The following NAB1 variants were observed in gnomAD, a reference collection of about 807,000 sequenced individuals.
The protein encoded by NAB1 is NGFI-A-binding protein 1.
NAB1 carries 25 observed loss-of-function variants against 49.9 expected under a neutral mutation model. That is an observed-to-expected ratio of 0.50 (90% CI 0.37 to 0.70). NAB1 has a LOEUF of 0.70. Ranked by LOEUF, NAB1 falls within the 30% of genes least tolerant of loss-of-function variation. NAB1 has a pLI of 0.00. For missense variants in NAB1, 489 were observed against 575.9 expected (o/e 0.85, Z 1.54); for synonymous variants, 198 against 215.6 (o/e 0.92, Z 0.71).
chr2:190,665,820 T>C (rs772341948), intron 4 of NAB1, among the ~76,000 whole-genome samples: 12 of 152,190 alleles, frequency 7.9e-5, no homozygotes, highest in Non-Finnish European at 1.8e-4. Flanking sequence ...TAATTTTCTT[T>C]GCATTCTCCT....
chr2:190,687,881 A>T (rs1695697868), intron 9 of NAB1, among the ~76,000 whole-genome samples: 1 of 152,222 alleles, frequency 6.6e-6, no homozygotes, highest in African/African-American at 2.4e-5. Context: ...TATGAAATTG[A>T]TGGACTACAT....
In NAB1 at chr2:190,659,812, A is replaced by G; in HGVS notation, c.636A>G (p.Lys212=). 1 of 1,614,236 alleles carries G rather than the reference A, an allele frequency of 6.2e-7. No individual in the cohort carries two copies. Among genetic ancestry groups the G allele is most frequent in the Non-Finnish European group, 8.5e-7 (1 of 1,180,034 alleles). The change falls in exon 4 of 10, where the codon AAA becomes AAG. Residue 212 remains lysine, a synonymous_variant. Transcript: ENST00000337386. The surrounding 1 kb of genome is among the most constrained non-coding windows in gnomAD (Gnocchi z 6.2). ...AGCGGATGGCCCCCACACTGCCAAA[A>G]AGTGACTTGAATGAAGTGAAAGAGC... The part of the protein sequence containing the change: ...CVERMAPTLP[K]SDLNEVKELL...
rs187175472 is a variant in NAB1 at position 190,691,228 on chromosome 2, G to A, written c.*895G>A. 63 of 151,244 alleles carry A rather than the reference G, an allele frequency of 4.2e-4. No homozygotes were observed. Among genetic ancestry groups the A allele is most frequent in the African/African-American group, 1.2e-3 (51 of 41,496 alleles). 9.4% of individuals were successfully genotyped at this position (151,244 alleles called of 1,614,324 possible). On this transcript the variant is annotated 3_prime_UTR_variant, in exon 10 of 10. Coordinates refer to ENST00000337386, the MANE Select transcript of NAB1 (RefSeq NM_005966.4). This position sits in a 1 kb window ranked among gnomAD's most constrained non-coding sequence, Gnocchi z 4.1. ...TAACCCTACATGTTATAAAGATGGC[G>A]ACTGTTAACAAAGGCTGTAACAGAT...
intron 2 of NAB1, among the ~76,000 whole-genome samples, chr2:190,653,371 T>C (rs1693764029): frequency 6.6e-6 from 1 of 152,226 alleles, no homozygotes; most frequent in African/African-American, 2.4e-5. Context: ...TGTAAATGAC[T>C]CATGAGCTCT....
intron 2 of NAB1, among the ~76,000 whole-genome samples, chr2:190,653,258 T>A (rs1693758473): frequency 6.6e-6 from 1 of 152,204 alleles, no homozygotes; most frequent in Non-Finnish European, 1.5e-5. Flanking sequence ...GATTTCCTAT[T>A]TTCATTGTCC....
rs774156645 is a variant in NAB1, at chr2:190,687,310, C to T, written c.1368C>T (p.His456=). 2.5e-6 allele frequency: 4 copies of T among 1,576,758 alleles called. No homozygotes were observed. Among genetic ancestry groups the T allele is most frequent in the Non-Finnish European group, 3.4e-6 (4 of 1,161,414 alleles). Residue 456 remains histidine, a synonymous_variant, in exon 9 of 10, where the codon CAC becomes CAT. Coordinates refer to ENST00000337386, the MANE Select transcript of NAB1 (RefSeq NM_005966.4). ...TTTACCCCAGTGAGGCAAAGTCCCA[C>T]TCATCAGGTGAGAACGTGCTATATG... ...SRLYPSEAKS[H]SSESLGILKD...
chr2:190,687,165 T>G (rs1695647344), intron 8 of NAB1, 36 bp from the exon 9 acceptor site: 2 of 1,351,564 alleles, frequency 1.5e-6, no homozygotes, highest in Non-Finnish European at 1.0e-6. Context: ...TGGTATGTTT[T>G]TAATATTATG....
rs1376682628 is a variant in NAB1 at position 190,669,300 on chromosome 2, C to T, written c.820-1026C>T. Among the ~76,000 whole-genome samples the T allele has an allele frequency of 6.6e-6, 1 of 152,190 alleles. No individual in the cohort carries two copies. Reference sequence around the variant, plus strand: ...AAAACTGTGGGTAAGGGGGTACTGCCGTACCTGATTTCTTATGAAAAGAAA... The same window carrying T: ...AAAACTGTGGGTAAGGGGGTACTGCTGTACCTGATTTCTTATGAAAAGAAA... On this transcript the variant is annotated intron_variant, in intron 4 of 9. Transcript: ENST00000337386. This position sits in a 1 kb window ranked among gnomAD's most constrained non-coding sequence, Gnocchi z 4.3.
In NAB1 at chr2:190,683,785, G is replaced by A. The variant is rs1328348795; in HGVS notation, c.1053G>A (p.Gln351=). The A allele has an allele frequency of 6.2e-7, 1 of 1,613,846 alleles. No individual in the cohort carries two copies. The highest frequency in any genetic ancestry group is 8.5e-7 in the Non-Finnish European group (1 of 1,179,950). Residue 351 remains glutamine, a synonymous_variant, in exon 7 of 10, where the codon CAG becomes CAA. Transcript: ENST00000337386. Reference sequence around the variant, plus strand: ...ATTCTGTGCAAACACTCTTCCAGCAGGCTAGAGCTAAGAGTGAAGAACTTG... The same window carrying A: ...ATTCTGTGCAAACACTCTTCCAGCAAGCTAGAGCTAAGAGTGAAGAACTTG... ...FQDSVQTLFQ[Q]ARAKSEELAA... is the part of the protein sequence containing the mutation.
chr2:190,651,291 T>A lies in NAB1; in HGVS notation c.-197+1309T>A, dbSNP rs1693656106. Among the ~76,000 whole-genome samples, 1 of 152,208 alleles carries A rather than the reference T, an allele frequency of 6.6e-6. No individual in the cohort carries two copies. On this transcript the variant is annotated intron_variant, in intron 2 of 9. Transcript: ENST00000337386. This position sits in a 1 kb window ranked among gnomAD's most constrained non-coding sequence, Gnocchi z 4.3. Reference sequence around the variant, plus strand: ...ATTCAGTTGAGTAATCTCTTTTTTGTAAGTGGCAAATAACATCCACTGTCG... The same window carrying A: ...ATTCAGTTGAGTAATCTCTTTTTTGAAAGTGGCAAATAACATCCACTGTCG...
At chr2:190,650,264 T>G (rs1410620233) in intron 2 of NAB1, among the ~76,000 whole-genome samples, 1 of 152,232 alleles carries the variant, frequency 6.6e-6, no homozygotes, top group Non-Finnish European at 1.5e-5. Flanking sequence ...GGATGGCTGT[T>G]AATTTAAAAT....
At chr2:190,683,213 C>T (rs1027698931) in intron 6 of NAB1, among the ~76,000 whole-genome samples, 2 of 150,766 alleles carry the variant, frequency 1.3e-5, no homozygotes, top group African/African-American at 2.4e-5. Context: ...TGGGTTCAAG[C>T]GATTCTCATG....
intron 9 of NAB1, among the ~76,000 whole-genome samples, chr2:190,690,028 AC>A (rs1333680408): frequency 1.3e-5 from 2 of 150,090 alleles, no homozygotes; most frequent in African/African-American, 4.9e-5. Flanking sequence ...ATATATGTAT[AC>A]TATATGTATA....
Position 190,685,784 on chromosome 2 carries a change from A to G in NAB1, c.1258+146A>G. On this transcript the variant is annotated intron_variant, in intron 8 of 9. Coordinates refer to ENST00000337386, the MANE Select transcript of NAB1 (RefSeq NM_005966.4). The surrounding 1 kb of genome is among the most constrained non-coding windows in gnomAD (Gnocchi z 4.5). ...ATCAAAATTATTTTTTGAATTCTTC[A>G]TTTTTCTAAAAAGATAATTTATCCT... The G allele has an allele frequency of 1.4e-6, 1 of 712,804 alleles. No homozygotes were observed. The highest frequency in any genetic ancestry group is 2.0e-6 in the Non-Finnish European group (1 of 497,670). The allele number at this position is 712,804 out of a possible 1,614,324, so 44.2% of individuals were successfully genotyped here.
At position 190,684,009 on chromosome 2, in the gene NAB1, C is replaced by G. The variant is rs1695486497; in HGVS notation, c.1095+182C>G. Among the ~76,000 whole-genome samples, 1 of 152,162 alleles carries G rather than the reference C, an allele frequency of 6.6e-6. No homozygotes were observed. The highest frequency in any genetic ancestry group is 2.4e-5 in the African/African-American group (1 of 41,432). ...AGAGCAATAACAACTTGGTTTGATT[C>G]AGTTTATGAACGGAATCTGATATGG... On this transcript the variant is annotated intron_variant, in intron 7 of 9. Transcript: ENST00000337386. The surrounding 1 kb of genome is among the most constrained non-coding windows in gnomAD (Gnocchi z 4.6).
rs1215207013 is a variant in NAB1, at chr2:190,692,670, T to C, written c.*2337T>C. Reference sequence around the variant, plus strand: ...TCTCCCCGAGTCTCTTACACTTTATTGTGCGATGTCCACGTTTTTGTGACT... The same window carrying C: ...TCTCCCCGAGTCTCTTACACTTTATCGTGCGATGTCCACGTTTTTGTGACT... On this transcript the variant is annotated 3_prime_UTR_variant, in exon 10 of 10. Coordinates refer to ENST00000337386, the MANE Select transcript of NAB1 (RefSeq NM_005966.4). This position sits in a 1 kb window ranked among gnomAD's most constrained non-coding sequence, Gnocchi z 5.2. 2 of 152,668 alleles carry C rather than the reference T, an allele frequency of 1.3e-5. No individual in the cohort carries two copies. The highest frequency in any genetic ancestry group is 1.5e-5 in the Non-Finnish European group (1 of 68,042). The allele number at this position is 152,668 out of a possible 1,614,324, so 9.5% of individuals were successfully genotyped here.
rs1209951705 is a variant in NAB1 at position 190,657,797 on chromosome 2, C to G, written c.-19-1361C>G. ...GATTGGTGGCATAAAACAAAAGTCC[C>G]AAGTTCAGTGACTTCTTGGCTTTCA... On this transcript the variant is annotated intron_variant, in intron 3 of 9. Transcript: ENST00000337386. The surrounding 1 kb of genome is among the most constrained non-coding windows in gnomAD (Gnocchi z 4.4). Among the ~76,000 whole-genome samples the G allele has an allele frequency of 2.6e-5, 4 of 152,178 alleles. No homozygotes were observed. Among genetic ancestry groups the G allele is most frequent in the Non-Finnish European group, 5.9e-5 (4 of 68,034 alleles).
intron 4 of NAB1, among the ~76,000 whole-genome samples, chr2:190,665,191 C>T (rs950472921): frequency 5.3e-5 from 8 of 151,878 alleles, no homozygotes; most frequent in South Asian, 2.1e-4. Flanking sequence ...GGCGTGGTGG[C>T]GGGCACCTGT....
Position 190,670,929 on chromosome 2 carries a change from A to G in NAB1, c.953+470A>G, listed in dbSNP as rs1377509245. Among the ~76,000 whole-genome samples the G allele has an allele frequency of 6.6e-6, 1 of 152,230 alleles. No homozygotes were observed. Among genetic ancestry groups the G allele is most frequent in the East Asian group, 1.9e-4 (1 of 5,206 alleles). ...TAAGGGAAAATTGAAAGATACTTCT[A>G]TTACTAGCACATGGGTTATGGAACA... On this transcript the variant is annotated intron_variant, in intron 5 of 9. Transcript: ENST00000337386. This position sits in a 1 kb window ranked among gnomAD's most constrained non-coding sequence, Gnocchi z 5.3.
Sources: gnomAD v4.1 joint callset for allele counts (sites outside exome capture counted in the v4.1 genomes callset) on GRCh38, gnomAD v4.1.1 for gene constraint, Gnocchi (gnomAD v3.1) non-coding constraint, MANE v1.5 for transcripts, NCBI Gene and HGNC (gene_info 2026-07-23, HGNC 2026-07-21) for gene names.